The following ZSWIM5 variants were observed in gnomAD, a reference collection of about 807,000 sequenced individuals.
ZSWIM5 encodes the protein zinc finger SWIM-type containing 5.
Under a neutral mutation model 119.6 loss-of-function variants are expected in ZSWIM5, and 55 were observed. That is an observed-to-expected ratio of 0.46 (90% CI 0.37 to 0.58). The LOEUF (loss-of-function observed/expected upper bound fraction) is 0.58, where lower values mean the gene tolerates loss of function less well. Among genes scored for constraint, ZSWIM5 ranks in the 20% least tolerant of loss-of-function variants. ZSWIM5 has a pLI of 0.00. For synonymous variants in ZSWIM5, 537 were observed against 606.9 expected (o/e 0.88, Z 1.69); for missense variants, 1,193 against 1,512.8 (o/e 0.79, Z 3.51).
intron 2 of ZSWIM5, among the ~76,000 whole-genome samples, chr1:45,086,881 AT>A (rs377217727): frequency 0.021 from 2,723 of 131,930 alleles, 49 homozygotes; most frequent in African/African-American, 0.068. Context: ...TTCTTCTTAA[AT>A]TTTTTTTTTT....
At chr1:45,043,083 A>T (rs1645025713) in intron 6 of ZSWIM5, 136 bp downstream of exon 6, 2 of 879,090 alleles carry the variant, frequency 2.3e-6, no homozygotes, top group African/African-American at 3.3e-5. Flanking sequence ...AAATATCCCT[A>T]ATAAAAGCCC....
At chr1:45,114,623 A>G (rs866286114) in intron 1 of ZSWIM5, among the ~76,000 whole-genome samples, 1 of 151,598 alleles carries the variant, frequency 6.6e-6, no homozygotes, top group East Asian at 1.9e-4. Flanking sequence ...TCTTGCACAC[A>G]GCATGTTTGT....
intron 1 of ZSWIM5, among the ~76,000 whole-genome samples, chr1:45,115,459 G>C (rs561771289): frequency 6.6e-6 from 1 of 151,272 alleles, no homozygotes; most frequent in Non-Finnish European, 1.5e-5. Context: ...CCTTCCAGAC[G>C]GGGTGGCGGT....
chr1:45,205,864 C>G lies in ZSWIM5; in HGVS notation c.487G>C (p.Gly163Arg), dbSNP rs1646185778. Residue 163 changes from glycine (G) to arginine (R), a missense_variant, in exon 1 of 14, where the codon GGG (glycine) becomes CGG (arginine). Transcript: ENST00000359600. Reference sequence around the variant, plus strand: ...GCCGCGCCGGCCCCTGCGCCCAGCCCGGGGGATGCCCCAGCCGCGACGCCC... The same window carrying G: ...GCCGCGCCGGCCCCTGCGCCCAGCCGGGGGGATGCCCCAGCCGCGACGCCC... ...PGGVAAGASPGLGAGAGAAGC... is the reference protein window; with the variant it reads ...PGGVAAGASPRLGAGAGAAGC... The G allele has an allele frequency of 5.9e-6, 8 of 1,359,306 alleles. No individual in the cohort carries two copies. The highest frequency in any genetic ancestry group is 7.6e-6 in the Non-Finnish European group (8 of 1,050,286). The allele number at this position is 1,359,306 out of a possible 1,614,324, so 84.2% of individuals were successfully genotyped here.
chr1:45,131,845 C>T (rs1645659105), intron 1 of ZSWIM5, among the ~76,000 whole-genome samples: 1 of 150,654 alleles, frequency 6.6e-6, no homozygotes. Flanking sequence ...ATAGAGCTGT[C>T]TAGTGACTTC....
chr1:45,066,220 C>A (rs1298480820), intron 2 of ZSWIM5, among the ~76,000 whole-genome samples: 1 of 150,736 alleles, frequency 6.6e-6, no homozygotes, highest in African/African-American at 2.5e-5. Flanking sequence ...GTATAGTATT[C>A]CCCCCCATGG....
chr1:45,069,924 A>C (rs537327512), intron 2 of ZSWIM5: 21 of 585,800 alleles, frequency 3.6e-5, no homozygotes, highest in African/African-American at 3.5e-4. Context: ...AGCCTTTAAA[A>C]CTTCTTTGAT....
At chr1:45,052,595 C>T (rs1438393706) in intron 4 of ZSWIM5, among the ~76,000 whole-genome samples, 1 of 151,804 alleles carries the variant, frequency 6.6e-6, no homozygotes, top group Admixed American at 6.6e-5. Context: ...CATGGTGAAA[C>T]CCTGTCTCTC....
At position 45,088,755 on chromosome 1, in the gene ZSWIM5, CAT is replaced by C. The variant is rs1447549898; in HGVS notation, c.596-520_596-519del. Among the ~76,000 whole-genome samples, 2 of 151,970 alleles carry C rather than the reference CAT, an allele frequency of 1.3e-5. No individual in the cohort carries two copies. Among genetic ancestry groups the C allele is most frequent in the African/African-American group, 4.8e-5 (2 of 41,370 alleles). ...TAAGGAAAATAATTCTTCTTTAAAACATAAAATTTCACGTGGAATACATAAAA... is the reference window on the plus strand; with the variant it reads ...TAAGGAAAATAATTCTTCTTTAAAACAAAATTTCACGTGGAATACATAAAA... On this transcript the variant is annotated intron_variant, in intron 1 of 13. Transcript: ENST00000359600. This position sits in a 1 kb window ranked among gnomAD's most constrained non-coding sequence, Gnocchi z 4.2.
intron 1 of ZSWIM5, among the ~76,000 whole-genome samples, chr1:45,171,282 G>A (rs898866623): frequency 2.0e-5 from 3 of 151,838 alleles, no homozygotes; most frequent in African/African-American, 7.3e-5. Context: ...TAATACAAAC[G>A]CCAAATACAT....
At chr1:45,042,111 G>A (rs1645021129) in intron 6 of ZSWIM5, among the ~76,000 whole-genome samples, 1 of 152,138 alleles carries the variant, frequency 6.6e-6, no homozygotes, top group Middle Eastern at 3.4e-3. Context: ...CATATCCTTA[G>A]TTAATTATGG....
intron 1 of ZSWIM5, among the ~76,000 whole-genome samples, chr1:45,126,345 AAT>A (rs1480058306): frequency 6.6e-6 from 1 of 152,184 alleles, no homozygotes; most frequent in African/African-American, 2.4e-5. Context: ...TGAAACAAGG[AAT>A]ATTACTACCA....
intron 1 of ZSWIM5, among the ~76,000 whole-genome samples, chr1:45,121,278 G>A (rs969377403): frequency 2.6e-5 from 4 of 152,078 alleles, no homozygotes; most frequent in African/African-American, 9.7e-5. Context: ...CAACTCTTTG[G>A]ATTATTTTTT....
chr1:45,046,745 G>A (rs1461369013), intron 5 of ZSWIM5, among the ~76,000 whole-genome samples: 3 of 151,632 alleles, frequency 2.0e-5, no homozygotes, highest in Admixed American at 2.0e-4. Context: ...AGAGGTGGTA[G>A]CCAGGCGCGG....
Position 45,205,963 on chromosome 1 carries a change from C to T in ZSWIM5, c.388G>A (p.Ala130Thr). 15 of 1,344,648 alleles carry T rather than the reference C, an allele frequency of 1.1e-5. No homozygotes were observed. The highest frequency in any genetic ancestry group is 1.5e-5 in the African/African-American group (1 of 65,274). The allele number at this position is 1,344,648 out of a possible 1,614,324, so 83.3% of individuals were successfully genotyped here. ...GPGAGAAGGA[A>T]GASPAEEGPQ... The stretch of plus-strand genomic sequence containing the variant: ...CCCTCCTCGGCCGGCGAAGCCCCCG[C>T]GGCGCCGCCAGCAGCGCCGGCGCCG... Residue 130 changes from alanine to threonine, a missense_variant, in exon 1 of 14, where the codon GCG (alanine) becomes ACG (threonine). Ala to Thr is a moderately conservative substitution (Grantham distance 58). Transcript: ENST00000359600.
intron 1 of ZSWIM5, among the ~76,000 whole-genome samples, chr1:45,171,212 T>A (rs934837811): frequency 2.6e-5 from 4 of 152,116 alleles, no homozygotes; most frequent in African/African-American, 9.7e-5. Context: ...GTTTCCAGAA[T>A]AGCATATATT....
In ZSWIM5 at chr1:45,096,434, TTGTGTGTGTG is replaced by T. The variant is rs112308838; in HGVS notation, c.596-8207_596-8198del. On this transcript the variant is annotated intron_variant, in intron 1 of 13. Transcript: ENST00000359600. Reference sequence around the variant, plus strand: ...GATGGTGGACCTGGTAGATAACTGTTTGTGTGTGTGTGTGTGTGTGTGTGTGTGCGTGTGT... The same window carrying T: ...GATGGTGGACCTGGTAGATAACTGTTTGTGTGTGTGTGTGTGTGCGTGTGT... Among the ~76,000 whole-genome samples the T allele has an allele frequency of 1.8e-4, 26 of 144,458 alleles. No homozygotes were observed. In the East Asian group the frequency reaches 5.4e-3, roughly 30 times the overall value. The allele number at this position is 144,458 out of a possible 152,430, so 94.8% of individuals were successfully genotyped here. A position where few individuals can be genotyped will look rare whatever the true frequency, so the allele number is the denominator to read the frequency against.
intron 1 of ZSWIM5, among the ~76,000 whole-genome samples, 157 bp downstream of exon 1, chr1:45,205,599 T>C (rs1291765609): frequency 6.6e-6 from 1 of 151,792 alleles, no homozygotes; most frequent in African/African-American, 2.4e-5. Context: ...TGGACCTGAG[T>C]GAAAGGTTGA....
At chr1:45,094,827 A>G (rs1293920366) in intron 1 of ZSWIM5, among the ~76,000 whole-genome samples, 2 of 151,800 alleles carry the variant, frequency 1.3e-5, no homozygotes, top group East Asian at 3.9e-4. Flanking sequence ...CAGTGAGCCA[A>G]GATCATATCA....
Sources: allele counts gnomAD v4.1 joint callset (sites outside exome capture counted in the v4.1 genomes callset), GRCh38; gene constraint gnomAD v4.1.1; non-coding constraint Gnocchi (gnomAD v3.1); transcripts MANE v1.5; gene names NCBI Gene and HGNC (gene_info 2026-07-23, HGNC 2026-07-21).